The following SUPT3H variants were observed in gnomAD, a reference collection of about 807,000 sequenced individuals.
SUPT3H encodes the protein SPT3 homolog, SAGA and STAGA complex component, also known as transcription initiation protein SPT3 homolog.
In SUPT3H, 44 loss-of-function variants were observed where a neutral mutation model predicts 44.3. That is an observed-to-expected ratio of 0.99 (90% CI 0.78 to 1.28). The LOEUF is 1.28. Ranked by LOEUF, SUPT3H falls within the 50% of genes most tolerant of loss-of-function variation. The pLI is 0.00. For missense variants in SUPT3H, 380 were observed against 387.1 expected, an observed-to-expected ratio of 0.98 and a Z score of 0.15; for synonymous variants, 124 against 125.6, an observed-to-expected ratio of 0.99 and a Z score of 0.09.
intron 3 of SUPT3H, among the ~76,000 whole-genome samples, chr6:45,105,579 A>G (rs1229596779): frequency 6.6e-6 from 1 of 152,188 alleles, no homozygotes; most frequent in Non-Finnish European, 1.5e-5. Flanking sequence ...AAAATACTTT[A>G]TTGTTACAAA....
At chr6:45,185,432 AAGG>A (rs1345743199) in intron 2 of SUPT3H, among the ~76,000 whole-genome samples, 1 of 152,196 alleles carries the variant, frequency 6.6e-6, no homozygotes, top group East Asian at 1.9e-4. Context: ...TGATTATGCA[AAGG>A]AGATTTTTTT....
At chr6:45,283,214 G>T (rs1439844692) in intron 2 of SUPT3H, among the ~76,000 whole-genome samples, 6 of 152,068 alleles carry the variant, frequency 3.9e-5, no homozygotes, top group Non-Finnish European at 1.5e-5. Flanking sequence ...CATAATGACA[G>T]GATCAAATTC....
chr6:45,093,014 C>T (rs1481046007), intron 3 of SUPT3H, among the ~76,000 whole-genome samples: 1 of 151,970 alleles, frequency 6.6e-6, no homozygotes, highest in Non-Finnish European at 1.5e-5. Flanking sequence ...CCTAATAAAA[C>T]ATCTAACACA....
At chr6:45,115,461 T>A (rs539964915) in intron 2 of SUPT3H, among the ~76,000 whole-genome samples, 1 of 152,302 alleles carries the variant, frequency 6.6e-6, no homozygotes, top group African/African-American at 2.4e-5. Context: ...CATGTTACCA[T>A]ACTAAACACT....
Position 44,892,404 on chromosome 6 carries a change from C to T in SUPT3H, c.912+40249G>A, listed in dbSNP as rs9367209. 4.8e-4 allele frequency among the ~76,000 whole-genome samples: 73 copies of T among 152,164 alleles called. 1 individual carries two copies. In the East Asian group the frequency reaches 0.014, roughly 29 times the overall value. On this transcript the variant is annotated intron_variant, in intron 10 of 10. Coordinates refer to ENST00000371459, the MANE Select transcript of SUPT3H (RefSeq NM_003599.4). ...GTCATCTACAGCTAGGAAGAGGGTC[C>T]GTACCAGGAACTGAGTCACCCAGCA...
chr6:45,368,354 G>C (rs1795502116), intron 1 of SUPT3H, among the ~76,000 whole-genome samples: 1 of 152,034 alleles, frequency 6.6e-6, no homozygotes, highest in East Asian at 1.9e-4. Context: ...CTGTGTTCCA[G>C]AGAAGAAAAA....
chr6:45,267,399 G>A (rs1775429057), intron 2 of SUPT3H, among the ~76,000 whole-genome samples: 1 of 152,176 alleles, frequency 6.6e-6, no homozygotes, highest in African/African-American at 2.4e-5. Flanking sequence ...ATAAAAATAT[G>A]CACACATTTC....
chr6:45,121,752 T>TG (rs1237801377), intron 2 of SUPT3H, among the ~76,000 whole-genome samples: 1 of 152,148 alleles, frequency 6.6e-6, no homozygotes, highest in Admixed American at 6.5e-5. Flanking sequence ...CTTGGCTCAC[T>TG]GCAATCTCCG....
intron 3 of SUPT3H, among the ~76,000 whole-genome samples, chr6:45,071,163 A>G (rs1404872279): frequency 6.6e-6 from 1 of 152,136 alleles, no homozygotes; most frequent in South Asian, 2.1e-4. Flanking sequence ...CTATTTGGCA[A>G]GAGTTTCAAG....
At chr6:45,265,011 A>C (rs1244201381) in intron 2 of SUPT3H, among the ~76,000 whole-genome samples, 1 of 152,174 alleles carries the variant, frequency 6.6e-6, no homozygotes, top group Non-Finnish European at 1.5e-5. Flanking sequence ...TCCCCTATGA[A>C]GTATTGGAGT....
chr6:45,322,867 C>T (rs753051597), intron 2 of SUPT3H: 1 of 1,608,622 alleles, frequency 6.2e-7, no homozygotes, highest in South Asian at 1.1e-5. Context: ...CACTGGAGAG[C>T]CTCTGTCTCA....
At chr6:45,297,639 T>G (rs1485326305) in intron 2 of SUPT3H, among the ~76,000 whole-genome samples, 1 of 152,180 alleles carries the variant, frequency 6.6e-6, no homozygotes, top group Non-Finnish European at 1.5e-5. Flanking sequence ...GGAGGCTTTT[T>G]AAAACTTAAC....
At chr6:45,053,163 T>C (rs1790568671) in intron 3 of SUPT3H, among the ~76,000 whole-genome samples, 1 of 151,440 alleles carries the variant, frequency 6.6e-6, no homozygotes. Flanking sequence ...GCCTTCTTAG[T>C]AGCTGGGACT....
chr6:45,323,707 A>G (rs559163421), intron 2 of SUPT3H, among the ~76,000 whole-genome samples: 25 of 152,236 alleles, frequency 1.6e-4, no homozygotes, highest in African/African-American at 5.8e-4. Flanking sequence ...TAATACTAAA[A>G]GAGTTCAATT....
At chr6:45,309,163 A>G (rs541670957) in intron 2 of SUPT3H, among the ~76,000 whole-genome samples, 7 of 79,382 alleles carry the variant, frequency 8.8e-5, no homozygotes, top group South Asian at 6.5e-4. Flanking sequence ...AATATTTAGG[A>G]AAAAAAAAAA....
intron 10 of SUPT3H, among the ~76,000 whole-genome samples, chr6:44,908,802 AT>A (rs59197193): frequency 0.41 from 62,393 of 151,118 alleles, 13,110 homozygotes; most frequent in East Asian, 0.69. Flanking sequence ...TAAAAAAAAA[AT>A]ATTGAAATAT....
chr6:44,860,045 C>T (rs1273809188), intron 10 of SUPT3H, among the ~76,000 whole-genome samples: 1 of 152,032 alleles, frequency 6.6e-6, no homozygotes, highest in African/African-American at 2.4e-5. Flanking sequence ...AGTTTATATA[C>T]CATGACTCCC....
chr6:45,197,648 CA>C, intron 2 of SUPT3H: 1 of 350,770 alleles, frequency 2.9e-6, no homozygotes, highest in Non-Finnish European at 5.7e-6. Flanking sequence ...AAAAAATTGA[CA>C]ATACTATTTT....
At chr6:45,050,398 CAATT>C (rs1247685348) in intron 3 of SUPT3H, among the ~76,000 whole-genome samples, 3 of 150,700 alleles carry the variant, frequency 2.0e-5, no homozygotes, top group South Asian at 4.2e-4. Flanking sequence ...TTGCATAACA[CAATT>C]AACACAAAAT....
Sources: gnomAD v4.1 joint callset for allele counts (sites outside exome capture counted in the v4.1 genomes callset) on GRCh38, gnomAD v4.1.1 for gene constraint, MANE v1.5 for transcripts, NCBI Gene and HGNC (gene_info 2026-07-23, HGNC 2026-07-21) for gene names.